GALNT2: variants seen among roughly 807,000 people sequenced by gnomAD.
GALNT2 encodes the protein polypeptide N-acetylgalactosaminyltransferase 2.
In GALNT2, 31 loss-of-function variants were observed where a neutral mutation model predicts 81.4. The ratio of observed to expected loss-of-function variants is 0.38; its 90% CI spans 0.29 to 0.51. The LOEUF is 0.51. GALNT2 is among the 20% of genes least tolerant of loss of function. The pLI is 0.87. For missense variants in GALNT2, 629 were observed against 765.7 expected (o/e 0.82, Z 2.11); for synonymous variants, 303 against 287.4 (o/e 1.05, Z -0.55).
In GALNT2 at chr1:230,274,312, C is replaced by T. The variant is rs897980505; in HGVS notation, c.1441-133C>T. ...AGGCAAAAAGTAATTGTTTCGTTCTCAGTTGGCTCAGGGGTTCTGAATCTA... is the reference window on the plus strand; with the variant it reads ...AGGCAAAAAGTAATTGTTTCGTTCTTAGTTGGCTCAGGGGTTCTGAATCTA... On this transcript the variant is annotated intron_variant, in intron 14 of 15. Transcript: ENST00000366672. 10 of 1,203,992 alleles carry T rather than the reference C, an allele frequency of 8.3e-6. No homozygotes were observed. The Admixed American group carries it at 1.8e-4, about 22-fold the overall frequency. The allele number at this position is 1,203,992 out of a possible 1,614,324, so 74.6% of individuals were successfully genotyped here. A position where few individuals can be genotyped will look rare whatever the true frequency, so the allele number is the denominator to read the frequency against.
chr1:230,125,500 C>T (rs982612254), intron 1 of GALNT2, among the ~76,000 whole-genome samples: 1 of 152,236 alleles, frequency 6.6e-6, no homozygotes, highest in Non-Finnish European at 1.5e-5. Flanking sequence ...GATCGTGAGT[C>T]TTTCAGCCAA....
chr1:230,161,764 T>C (rs1021995709), intron 1 of GALNT2, among the ~76,000 whole-genome samples: 5 of 152,214 alleles, frequency 3.3e-5, no homozygotes, highest in African/African-American at 4.8e-5. Context: ...GTGAAGTTAA[T>C]TGAGACTATA....
chr1:230,199,323 T>A lies in GALNT2; in HGVS notation c.221-3814T>A, dbSNP rs530195752. ...CGCGTGTGCCCTCTGCAAACCTTGT[T>A]CTCCATGGATTTTCCTGCCTTTGCC... On this transcript the variant is annotated intron_variant, in intron 2 of 15. Transcript: ENST00000366672. 4.7e-4 allele frequency among the ~76,000 whole-genome samples: 72 copies of A among 152,300 alleles called. 2 individuals carry two copies. The South Asian group carries it at 0.012, about 25-fold the overall frequency.
intron 3 of GALNT2, among the ~76,000 whole-genome samples, chr1:230,214,905 C>T (rs888509501): frequency 2.0e-5 from 3 of 152,276 alleles, no homozygotes; most frequent in Non-Finnish European, 4.4e-5. Context: ...GTCTAGTCTG[C>T]TTTTAAATCC....
At chr1:230,236,769 C>A in intron 6 of GALNT2, 44 bp downstream of exon 6, 1 of 1,560,130 alleles carries the variant, frequency 6.4e-7, no homozygotes, top group Admixed American at 1.9e-5. Context: ...TGAATTCTGA[C>A]TTTTCCTGTA....
intron 2 of GALNT2, among the ~76,000 whole-genome samples, chr1:230,188,322 A>C (rs923781153): frequency 1.3e-5 from 2 of 152,148 alleles, no homozygotes; most frequent in Non-Finnish European, 2.9e-5. Flanking sequence ...TGGAATTTGT[A>C]TAAAGTATAC....
intron 3 of GALNT2, among the ~76,000 whole-genome samples, chr1:230,207,723 G>A (rs2102710612): frequency 6.6e-6 from 1 of 152,152 alleles, no homozygotes; most frequent in South Asian, 2.1e-4. Context: ...TGAGTAGCTG[G>A]GACCGTGGGT....
At chr1:230,239,934 A>G (rs1665148347) in intron 6 of GALNT2, among the ~76,000 whole-genome samples, 2 of 152,226 alleles carry the variant, frequency 1.3e-5, no homozygotes, top group Non-Finnish European at 2.9e-5. Context: ...AGAATTTTAC[A>G]ATAGTTAAAT....
chr1:230,072,283 A>G (rs375108075), intron 1 of GALNT2, among the ~76,000 whole-genome samples: 5 of 151,172 alleles, frequency 3.3e-5, no homozygotes, highest in South Asian at 4.2e-4. Flanking sequence ...TTTAGTGTCA[A>G]AGCAGGCAAG....
rs569896781 is a variant in GALNT2 at position 230,176,109 on chromosome 1, A to T, written c.127-2109A>T. On this transcript the variant is annotated intron_variant, in intron 1 of 15. Transcript: ENST00000366672. ...TCATGCCCTAATTATATGGGCATGA[A>T]CTCACCCTGCACTAGTTTTATAGTA... Among the ~76,000 whole-genome samples the T allele has an allele frequency of 2.5e-4, 38 of 152,014 alleles. 1 individual carries two copies. The highest frequency in any genetic ancestry group is 7.2e-4 in the Admixed American group (11 of 15,264).
intron 14 of GALNT2, among the ~76,000 whole-genome samples, chr1:230,265,714 G>A (rs1423772443): frequency 2.0e-5 from 3 of 152,220 alleles, no homozygotes; most frequent in Non-Finnish European, 4.4e-5. Flanking sequence ...CTGCCTCTGC[G>A]TCTGGCCCCA....
In GALNT2 at chr1:230,274,641, G is replaced by A. The variant is rs9432147; in HGVS notation, c.1560+77G>A. 603 of 1,550,078 alleles carry A rather than the reference G, an allele frequency of 3.9e-4. 5 individuals are homozygous for A. In the African/African-American group the frequency reaches 7.4e-3, roughly 19 times the overall value. On this transcript the variant is annotated intron_variant, in intron 15 of 15. Transcript: ENST00000366672. The stretch of plus-strand genomic sequence containing the variant: ...GCCACGGCCTGCGCCCTCTTGCTCT[G>A]TGCTGCCTCTCAAAGCATCCATCTC...
intron 1 of GALNT2, among the ~76,000 whole-genome samples, chr1:230,082,779 C>A (rs891949183): frequency 1.3e-5 from 2 of 152,098 alleles, no homozygotes; most frequent in African/African-American, 4.8e-5. Flanking sequence ...GCTGATACAT[C>A]AGGGGAACTT....
intron 1 of GALNT2, among the ~76,000 whole-genome samples, chr1:230,155,931 A>G (rs569953373): frequency 1.3e-5 from 2 of 152,086 alleles, no homozygotes; most frequent in African/African-American, 2.4e-5. Flanking sequence ...AGGGGAGGGA[A>G]CTATTGTGTC....
At chr1:230,262,782 G>A in intron 12 of GALNT2, 117 bp downstream of exon 12, 2 of 1,311,380 alleles carry the variant, frequency 1.5e-6, no homozygotes, top group African/African-American at 1.4e-5. Context: ...GCGGGAAGGG[G>A]TTGTGGGCAC....
At position 230,265,229 on chromosome 1, in the gene GALNT2, G is replaced by T. The variant is rs369787906; in HGVS notation, c.1314-12G>T. 6.2e-7 allele frequency: 1 copy of T among 1,614,202 alleles called. No homozygotes were observed. The highest frequency in any genetic ancestry group is 1.7e-5 in the Admixed American group (1 of 60,024). On this transcript the variant is annotated splice_polypyrimidine_tract_variant and intron_variant, in intron 13 of 15. Coordinates refer to ENST00000366672, the MANE Select transcript of GALNT2 (RefSeq NM_004481.5). ...GTGCAGTGAAGCAGGTGATTCTCACGTTGTTTTTCAGGGTTCCAGACCATC... is the reference window on the plus strand; with the variant it reads ...GTGCAGTGAAGCAGGTGATTCTCACTTTGTTTTTCAGGGTTCCAGACCATC...
intron 8 of GALNT2, among the ~76,000 whole-genome samples, chr1:230,247,136 G>T (rs866840187): frequency 1.2e-4 from 18 of 152,054 alleles, no homozygotes; most frequent in Admixed American, 4.6e-4. Context: ...CGGGGCTAAG[G>T]TGGGAGGATC....
chr1:230,173,915 T>TC (rs1224312197), intron 1 of GALNT2, among the ~76,000 whole-genome samples: 1 of 152,166 alleles, frequency 6.6e-6, no homozygotes, highest in Non-Finnish European at 1.5e-5. Context: ...TTTTTTTTTT[T>TC]CAGCTGCATT....
At chr1:230,226,629 C>T (rs1664720085) in intron 3 of GALNT2, among the ~76,000 whole-genome samples, 1 of 152,206 alleles carries the variant, frequency 6.6e-6, no homozygotes, top group African/African-American at 2.4e-5. Context: ...TTTCCGAACA[C>T]ATGCGGAGGC....
Sources: allele counts gnomAD v4.1 joint callset (sites outside exome capture counted in the v4.1 genomes callset), GRCh38; gene constraint gnomAD v4.1.1; transcripts MANE v1.5; gene names NCBI Gene and HGNC (gene_info 2026-07-23, HGNC 2026-07-21).